MTFR1: variants seen among roughly 807,000 people sequenced by gnomAD.
MTFR1 encodes mitochondrial fission regulator 1, also known as chondrocyte protein with a poly-proline region.
A neutral mutation model predicts 38.8 loss-of-function variants in MTFR1; 28 were observed. The ratio of observed to expected loss-of-function variants is 0.72; its 90% CI spans 0.53 to 0.99. The LOEUF is 0.99. MTFR1 is among the 50% of genes least tolerant of loss of function. The pLI is 0.00. For synonymous variants in MTFR1, 145 were observed against 137.0 expected (o/e 1.06, Z -0.41); for missense variants, 358 against 395.5 (o/e 0.91, Z 0.81).
At chr8:65,710,988 T>TAGAG (rs68005266), downstream of MTFR1, among the ~76,000 whole-genome samples, 16 of 148,012 alleles carry the variant, frequency 1.1e-4, no homozygotes, top group East Asian at 1.4e-3. Flanking sequence ...CATATATATA[T>TAGAG]ATAGAGAGAG....
chr8:65,771,589 C>G (rs753983690), downstream of MTFR1, among the ~76,000 whole-genome samples: 29 of 152,084 alleles, frequency 1.9e-4, no homozygotes, highest in Non-Finnish European at 1.3e-4. Context: ...GCTGGGCGCA[C>G]GCAGTGGCTC....
intron 3 of MTFR1, among the ~76,000 whole-genome samples, chr8:65,761,957 A>AAG (rs1427912750): frequency 6.6e-6 from 1 of 152,156 alleles, no homozygotes; most frequent in African/African-American, 2.4e-5. Context: ...GATGTCACAA[A>AAG]AGAGGCCTTT....
At chr8:65,704,976 T>C in intron 5 of MTFR1, 47 bp downstream of exon 5, 1 of 1,436,048 alleles carries the variant, frequency 7.0e-7, no homozygotes, top group Non-Finnish European at 9.6e-7. Flanking sequence ...AACTAGAAGT[T>C]AGGAGAATGC....
At chr8:65,670,059 A>G in intron 2 of MTFR1, 41 bp downstream of exon 2, 1 of 1,522,242 alleles carries the variant, frequency 6.6e-7, no homozygotes, top group Non-Finnish European at 8.9e-7. Flanking sequence ...CGACATTTAG[A>G]TATTTTAAGA....
At chr8:65,701,330 C>T (rs1018255196) in intron 4 of MTFR1, among the ~76,000 whole-genome samples, 3 of 152,188 alleles carry the variant, frequency 2.0e-5, no homozygotes, top group Non-Finnish European at 4.4e-5. Flanking sequence ...AACATTTGTA[C>T]TGTATGATGA....
chr8:65,746,138 GC>G (rs1807666470), intron 3 of MTFR1, among the ~76,000 whole-genome samples: 2 of 142,598 alleles, frequency 1.4e-5, no homozygotes, highest in Admixed American at 7.3e-5. Context: ...TCACCATGCT[GC>G]CCAGGGCTGG....
intron 3 of MTFR1, among the ~76,000 whole-genome samples, chr8:65,683,759 A>C (rs1232854961): frequency 6.6e-6 from 1 of 151,192 alleles, no homozygotes; most frequent in Non-Finnish European, 1.5e-5. Flanking sequence ...CTGTGATCTC[A>C]GGTGATCTGC....
chr8:65,740,823 A>G (rs1807392395), intron 3 of MTFR1, among the ~76,000 whole-genome samples: 1 of 152,108 alleles, frequency 6.6e-6, no homozygotes. Flanking sequence ...TATTGTCTCA[A>G]CAAGCATCAG....
chr8:65,745,043 C>A (rs1359509931), intron 3 of MTFR1, among the ~76,000 whole-genome samples: 1 of 152,142 alleles, frequency 6.6e-6, no homozygotes, highest in Non-Finnish European at 1.5e-5. Flanking sequence ...GTGCTTTCCC[C>A]CACACTGTTC....
At chr8:65,645,692 T>TACCC (rs1554544272) in intron 1 of MTFR1, among the ~76,000 whole-genome samples, 1 of 83,174 alleles carries the variant, frequency 1.2e-5, no homozygotes. Flanking sequence ...CGCCCGGCTT[T>TACCC]CCCCCCCCCC....
chr8:65,776,321 T>C, the MTFR1 span, among the ~76,000 whole-genome samples: 2 of 152,184 alleles, frequency 1.3e-5, no homozygotes, highest in Non-Finnish European at 2.9e-5. Flanking sequence ...CTATTGTCAG[T>C]CCTTGAATTA....
At chr8:65,663,813 A>ATTTT (rs1804285914) in intron 1 of MTFR1, among the ~76,000 whole-genome samples, 1 of 89,108 alleles carries the variant, frequency 1.1e-5, no homozygotes. Flanking sequence ...CTTTTTTTTA[A>ATTTT]TTTCTTTTCT....
intron 2 of MTFR1, among the ~76,000 whole-genome samples, chr8:65,679,259 A>G (rs1367697400): frequency 3.9e-5 from 6 of 152,200 alleles, no homozygotes; most frequent in East Asian, 3.8e-4. Flanking sequence ...ACTGAATGGT[A>G]TACTTACTTT....
chr8:65,644,085 C>T (rs7823918), upstream of MTFR1, among the ~76,000 whole-genome samples: 147,874 of 152,358 alleles, frequency 0.97, 71,787 homozygotes, highest in East Asian at 1. Flanking sequence ...CACATTACTA[C>T]ACTGCATAAG....
At chr8:65,764,297 A>G (rs1232151049) in intron 3 of MTFR1, among the ~76,000 whole-genome samples, 1 of 152,252 alleles carries the variant, frequency 6.6e-6, no homozygotes, top group African/African-American at 2.4e-5. Flanking sequence ...ACTGGGAAGA[A>G]ATTAAAATTT....
chr8:65,741,305 C>T (rs1032391755), intron 3 of MTFR1, among the ~76,000 whole-genome samples: 1 of 152,094 alleles, frequency 6.6e-6, no homozygotes, highest in Non-Finnish European at 1.5e-5. Context: ...AGTATTCTCT[C>T]GTCTATGATG....
intron 4 of MTFR1, among the ~76,000 whole-genome samples, chr8:65,697,721 A>G (rs945020060): frequency 1.3e-5 from 2 of 152,290 alleles, no homozygotes; most frequent in African/African-American, 4.8e-5. Flanking sequence ...TCTAGAGCCT[A>G]TTTCATATCC....
intron 3 of MTFR1, among the ~76,000 whole-genome samples, chr8:65,685,036 A>G (rs1399382342): frequency 6.6e-6 from 1 of 152,220 alleles, no homozygotes; most frequent in Non-Finnish European, 1.5e-5. Context: ...TCTGCTACTT[A>G]AATGTTTTAC....
chr8:65,744,051 T>C (rs1424255132), intron 3 of MTFR1, among the ~76,000 whole-genome samples: 2 of 152,204 alleles, frequency 1.3e-5, no homozygotes, highest in African/African-American at 2.4e-5. Flanking sequence ...CAGGCTGGTC[T>C]TAAACTCCTG....
Sources: gnomAD v4.1 joint callset for allele counts (sites outside exome capture counted in the v4.1 genomes callset) on GRCh38, gnomAD v4.1.1 for gene constraint, MANE v1.5 for transcripts, NCBI Gene and HGNC (gene_info 2026-07-23, HGNC 2026-07-21) for gene names.